Variants in ATP2C2 observed in about 807,000 individuals in gnomAD.
The protein encoded by ATP2C2 is ATPase secretory pathway Ca2+ transporting 2, also known as calcium-transporting ATPase type 2C member 2.
Under a neutral mutation model 110.8 loss-of-function variants are expected in ATP2C2, and 171 were observed. The observed-to-expected ratio is 1.54, with a 90% confidence interval of 1.36 to 1.75. The LOEUF (loss-of-function observed/expected upper bound fraction) is 1.75. Ranked by LOEUF, ATP2C2 falls within the 40% of genes most tolerant of loss-of-function variation. ATP2C2 has a pLI of 0.00. For missense variants in ATP2C2, 1,963 were observed against 1,235.0 expected, an observed-to-expected ratio of 1.59 and a Z score of -8.84; for synonymous variants, 804 against 508.4, an observed-to-expected ratio of 1.58 and a Z score of -7.82.
At chr16:84,393,828 C>T (rs563616160) in intron 1 of ATP2C2, among the ~76,000 whole-genome samples, 6 of 151,416 alleles carry the variant, frequency 4.0e-5, no homozygotes, top group East Asian at 1.9e-4. Flanking sequence ...AAGTGGTGGA[C>T]GGAGTTCCTG....
rs547899386 is a variant in ATP2C2, at chr16:84,391,083, C to T, written c.100-7416C>T. On this transcript the variant is annotated intron_variant, in intron 1 of 26. Coordinates refer to ENST00000262429, the MANE Select transcript of ATP2C2 (RefSeq NM_014861.4). ...GAGCCGAGATCACACTGCTGCACTC[C>T]AGCCTGGGTGACAGAGTGAGACTCA... is the stretch of plus-strand genomic sequence containing the variant. Among the ~76,000 whole-genome samples the T allele has an allele frequency of 2.3e-5, 3 of 132,794 alleles. No individual in the cohort carries two copies. The Admixed American group carries it at 2.6e-4, about 12-fold the overall frequency. The allele number at this position is 132,794 out of a possible 152,430, so 87.1% of individuals were successfully genotyped here.
chr16:84,416,768 C>G (rs915740360), intron 7 of ATP2C2, among the ~76,000 whole-genome samples: 4 of 152,144 alleles, frequency 2.6e-5, no homozygotes, highest in African/African-American at 9.7e-5. Flanking sequence ...CCCGCCTCTC[C>G]CCGTGTTCAG....
intron 10 of ATP2C2, among the ~76,000 whole-genome samples, chr16:84,424,119 T>G (rs537645655): frequency 4.6e-5 from 7 of 152,364 alleles, no homozygotes; most frequent in East Asian, 1.9e-4. Context: ...CCACTGCCTA[T>G]AGCACATCTA....
chr16:84,412,355 CGTGT>C (rs1176014047), intron 6 of ATP2C2, among the ~76,000 whole-genome samples: 2 of 91,394 alleles, frequency 2.2e-5, no homozygotes, highest in African/African-American at 8.0e-5. Context: ...TGTCTGCGTG[CGTGT>C]GTGCATGTGT....
At chr16:84,401,107 C>T (rs1422497239) in intron 2 of ATP2C2, among the ~76,000 whole-genome samples, 1 of 152,006 alleles carries the variant, frequency 6.6e-6, no homozygotes, top group Non-Finnish European at 1.5e-5. Context: ...CTTTGGTTGC[C>T]TGTGCTTGTA....
intron 24 of ATP2C2, chr16:84,461,478 C>T (rs1268986364): frequency 1.2e-5 from 7 of 591,162 alleles, no homozygotes; most frequent in Non-Finnish European, 2.1e-5. Context: ...GTGTTTCCTC[C>T]ACCCATAGGT....
At chr16:84,429,373 G>A (rs548792112) in intron 11 of ATP2C2, among the ~76,000 whole-genome samples, 27 of 152,160 alleles carry the variant, frequency 1.8e-4, no homozygotes, top group Non-Finnish European at 3.1e-4. Context: ...GGCTGGTCTT[G>A]AACTCCTGAC....
chr16:84,426,830 G>C (rs2150550692), intron 11 of ATP2C2, among the ~76,000 whole-genome samples: 1 of 152,300 alleles, frequency 6.6e-6, no homozygotes, highest in Middle Eastern at 3.4e-3. Flanking sequence ...ATCACTTGAT[G>C]ATGCTAAGCC....
Position 84,462,029 on chromosome 16 carries a change from G to T in ATP2C2, c.2622G>T (p.Met874Ile). 6.2e-7 allele frequency: 1 copy of T among 1,614,044 alleles called. No individual in the cohort carries two copies. The highest frequency in any genetic ancestry group is 1.1e-5 in the South Asian group (1 of 91,086). The change falls in exon 26 of 27, where the codon ATG becomes ATT. Residue 874 changes from methionine (M) to isoleucine (I), a missense_variant. Physicochemically the swap from Met to Ile is conservative, Grantham distance 10. Coordinates refer to ENST00000262429, the MANE Select transcript of ATP2C2 (RefSeq NM_014861.4). ...IFEIGFLRNH[M>I]FLYSVLGSIL... Reference sequence around the variant, plus strand: ...AGATCGGCTTTCTCAGGAACCACATGTTCCTCTACTCCGTCCTGGGGTCCA... The same window carrying T: ...AGATCGGCTTTCTCAGGAACCACATTTTCCTCTACTCCGTCCTGGGGTCCA...
At position 84,459,549 on chromosome 16, in the gene ATP2C2, G is replaced by C. The variant is rs756412149; in HGVS notation, c.2333+163G>C. 47 of 1,538,856 alleles carry C rather than the reference G, an allele frequency of 3.1e-5. No individual in the cohort carries two copies. The Admixed American group carries it at 9.2e-4, about 30-fold the overall frequency. ...AGTGTGTTGCACTGCAGTGAGACTG[G>C]GAGTAGAAGGCAGAGGAGAAAGTAC... On this transcript the variant is annotated intron_variant, in intron 23 of 26. Transcript: ENST00000262429.
Position 84,459,355 on chromosome 16 carries a change from A to C in ATP2C2, c.2302A>C (p.Asn768His), listed in dbSNP as rs763431394. 1.9e-6 allele frequency: 3 copies of C among 1,614,190 alleles called. No individual in the cohort carries two copies. In the South Asian group the frequency reaches 3.3e-5, roughly 18 times the overall value. Reference sequence around the variant, plus strand: ...CAACGCCATGCAGATCCTATGGATCAACATCATCATGGATGGGCCACCGGC... The same window carrying C: ...CAACGCCATGCAGATCCTATGGATCCACATCATCATGGATGGGCCACCGGC... ...PLNAMQILWI[N>H]IIMDGPPAQS... The change falls in exon 23 of 27, where the codon AAC becomes CAC. Residue 768 changes from asparagine (N) to histidine (H), a missense_variant. Coordinates refer to ENST00000262429, the MANE Select transcript of ATP2C2 (RefSeq NM_014861.4).
At chr16:84,393,527 G>T (rs1004211929) in intron 1 of ATP2C2, among the ~76,000 whole-genome samples, 8 of 152,110 alleles carry the variant, frequency 5.3e-5, no homozygotes, top group Admixed American at 5.2e-4. Context: ...GTTGAGAAGT[G>T]GATAGGAAAT....
chr16:84,460,632 G>C (rs552180019), intron 23 of ATP2C2, 22 bp from the exon 24 acceptor site: 2 of 1,614,142 alleles, frequency 1.2e-6, no homozygotes, highest in Non-Finnish European at 1.7e-6. Flanking sequence ...ATTTCAAAGT[G>C]TCTGTGTCTT....
intron 7 of ATP2C2, among the ~76,000 whole-genome samples, chr16:84,421,242 G>A (rs1907309367): frequency 1.3e-5 from 2 of 152,230 alleles, no homozygotes; most frequent in Admixed American, 6.5e-5. Context: ...GGAGCCACAG[G>A]GAGGTGGGAA....
intron 13 of ATP2C2, among the ~76,000 whole-genome samples, chr16:84,439,901 C>G (rs1446580030): frequency 6.6e-6 from 1 of 152,220 alleles, no homozygotes; most frequent in Non-Finnish European, 1.5e-5. Context: ...AGTGGCTGAT[C>G]TCTGCTCACT....
chr16:84,424,139 G>C (rs1357086812), intron 10 of ATP2C2, among the ~76,000 whole-genome samples: 1 of 152,230 alleles, frequency 6.6e-6, no homozygotes, highest in East Asian at 1.9e-4. Context: ...AGTGATGAGG[G>C]GGGTGCTGGT....
intron 4 of ATP2C2, 54 bp from the exon 5 acceptor site, chr16:84,410,514 T>TC (rs1906176956): frequency 1.3e-6 from 2 of 1,584,228 alleles, no homozygotes; most frequent in African/African-American, 1.3e-5. Context: ...CCACGCCCTG[T>TC]CCCCCCTCCC....
chr16:84,395,625 T>G (rs112857357), intron 1 of ATP2C2, among the ~76,000 whole-genome samples: 5,997 of 151,704 alleles, frequency 0.04, 393 homozygotes, highest in African/African-American at 0.13. Context: ...TCTCCCTGAC[T>G]CAGCCTCCAG....
chr16:84,415,263 C>G (rs539434657), intron 6 of ATP2C2, among the ~76,000 whole-genome samples: 14 of 152,256 alleles, frequency 9.2e-5, no homozygotes, highest in South Asian at 4.1e-4. Context: ...CAGCAATGGC[C>G]TCATCTTTCA....
Sources: gnomAD v4.1 joint callset for allele counts (sites outside exome capture counted in the v4.1 genomes callset) on GRCh38, gnomAD v4.1.1 for gene constraint, MANE v1.5 for transcripts, NCBI Gene and HGNC (gene_info 2026-07-23, HGNC 2026-07-21) for gene names.